Variants in GTF2H3 observed in about 807,000 individuals in gnomAD.
GTF2H3 encodes general transcription factor IIH subunit 3, also known as TFIIH basal transcription factor complex p34 subunit.
In GTF2H3, 42 loss-of-function variants were observed where a neutral mutation model predicts 51.1. The observed-to-expected ratio is 0.82, with a 90% confidence interval of 0.64 to 1.06. The LOEUF is 1.06. Ranked by LOEUF, GTF2H3 falls within the 50% of genes least tolerant of loss-of-function variation. The pLI is 0.00. For missense variants in GTF2H3, 326 were observed against 366.1 expected, an observed-to-expected ratio of 0.89 and a Z score of 0.89; for synonymous variants, 123 against 123.8, an observed-to-expected ratio of 0.99 and a Z score of 0.04.
intron 3 of GTF2H3, among the ~76,000 whole-genome samples, chr12:123,646,113 A>G (rs910608872): frequency 1.3e-5 from 2 of 152,216 alleles, no homozygotes; most frequent in African/African-American, 4.8e-5. Flanking sequence ...TCACTGCAAG[A>G]TGGTGCATAG....
At chr12:123,634,951 T>C (rs576029061) in intron 1 of GTF2H3, among the ~76,000 whole-genome samples, 1 of 152,320 alleles carries the variant, frequency 6.6e-6, no homozygotes, top group East Asian at 1.9e-4. Flanking sequence ...TCACTGTGGC[T>C]GTTGTGTGGA....
intron 3 of GTF2H3, among the ~76,000 whole-genome samples, chr12:123,646,937 A>C (rs1027717385): frequency 2.7e-5 from 4 of 150,452 alleles, no homozygotes; most frequent in African/African-American, 9.8e-5. Context: ...GGATCACGAG[A>C]TCAGGAGATC....
At chr12:123,659,229 T>G in intron 9 of GTF2H3, 1 of 356,426 alleles carries the variant, frequency 2.8e-6, no homozygotes, top group Non-Finnish European at 5.3e-6. Flanking sequence ...TAGCCAGGCA[T>G]GGTGGCGCAT....
Position 123,650,983 on chromosome 12 carries a change from G to A in GTF2H3, c.365-11G>A, listed in dbSNP as rs1379195338. On this transcript the variant is annotated splice_polypyrimidine_tract_variant and intron_variant, in intron 4 of 12. Transcript: ENST00000543341. ...TAAAAATTCCCTTTTAATGTTTTCT[G>A]TTATTTGCAGGTGACATAAAGGGTC... 2.5e-6 allele frequency: 4 copies of A among 1,602,862 alleles called. No homozygotes were observed. In the African/African-American group the frequency reaches 4.0e-5, roughly 16 times the overall value.
At chr12:123,647,937 C>A in intron 3 of GTF2H3, 26 bp from the exon 4 acceptor site, 1 of 1,600,322 alleles carries the variant, frequency 6.2e-7, no homozygotes, top group Non-Finnish European at 8.5e-7. Context: ...CCTGGTGTAA[C>A]CAGGTTTTTT....
rs758702196 is a variant in GTF2H3, at chr12:123,648,065, C to T, written c.303C>T (p.Tyr101=). Residue 101 remains tyrosine, a synonymous_variant, in exon 4 of 13, where the codon TAC becomes TAT. Coordinates refer to ENST00000543341, the MANE Select transcript of GTF2H3 (RefSeq NM_001516.5). ...CCTCTGGGAGTAAAGATGGAAAATA[C>T]GAACTTTTAACCTCAGCAAATGAAG... is the stretch of plus-strand genomic sequence containing the variant. ...FNPSGSKDGK[Y]ELLTSANEVI... 1.2e-5 allele frequency: 20 copies of T among 1,611,248 alleles called. No individual in the cohort carries two copies. Among genetic ancestry groups the T allele is most frequent in the Middle Eastern group, 1.6e-4 (1 of 6,076 alleles).
intron 4 of GTF2H3, chr12:123,650,148 C>T (rs1443393455): frequency 6.6e-6 from 1 of 152,266 alleles, no homozygotes; most frequent in African/African-American, 2.4e-5. Flanking sequence ...CATGAGGTGT[C>T]AGTTCTCCTG....
intron 10 of GTF2H3, 31 bp downstream of exon 10, chr12:123,659,615 C>T (rs755253319): frequency 6.2e-7 from 1 of 1,601,540 alleles, no homozygotes; most frequent in South Asian, 1.1e-5. Flanking sequence ...ACCCTGATGC[C>T]TGGAGGGAAG....
At chr12:123,651,086 G>A in intron 5 of GTF2H3, 30 bp downstream of exon 5, 3 of 1,507,850 alleles carry the variant, frequency 2.0e-6, no homozygotes, top group Non-Finnish European at 2.8e-6. Context: ...CATTTAGAAG[G>A]TGTCTTCTGT....
At chr12:123,638,792 C>CTTT (rs775845249) in intron 1 of GTF2H3, among the ~76,000 whole-genome samples, 72 of 119,728 alleles carry the variant, frequency 6.0e-4, no homozygotes, top group African/African-American at 8.8e-4. Context: ...TGCTTTAAAG[C>CTTT]TTTTTTTTTT....
chr12:123,649,996 A>G (rs1955500387), intron 4 of GTF2H3: 3 of 152,044 alleles, frequency 2.0e-5, no homozygotes, highest in Admixed American at 2.0e-4. Context: ...GGTCCTGAGA[A>G]TTTCTATTTC....
At chr12:123,643,039 T>G (rs1048465303) in intron 2 of GTF2H3, among the ~76,000 whole-genome samples, 8 of 152,110 alleles carry the variant, frequency 5.3e-5, no homozygotes, top group Non-Finnish European at 1.2e-4. Context: ...GCCCAGCTAA[T>G]TTTTTGTGTG....
chr12:123,656,280 T>A (rs961003988), intron 9 of GTF2H3, among the ~76,000 whole-genome samples: 7 of 152,344 alleles, frequency 4.6e-5, no homozygotes, highest in African/African-American at 1.7e-4. Flanking sequence ...ATTGTACTGT[T>A]TCTTCAGCTT....
intron 4 of GTF2H3, chr12:123,648,403 A>C (rs1467208182): frequency 4.4e-6 from 1 of 226,176 alleles, no homozygotes; most frequent in African/African-American, 2.3e-5. Context: ...CATAGTCTCT[A>C]TTTCTGGCTT....
intron 2 of GTF2H3, among the ~76,000 whole-genome samples, chr12:123,644,850 A>G (rs1482952532): frequency 6.6e-6 from 1 of 152,156 alleles, no homozygotes; most frequent in East Asian, 1.9e-4. Context: ...ACATATAGTA[A>G]TAGTTTGCTG....
intron 7 of GTF2H3, among the ~76,000 whole-genome samples, chr12:123,653,346 T>G (rs1955542759): frequency 1.3e-5 from 2 of 151,622 alleles, no homozygotes; most frequent in Non-Finnish European, 2.9e-5. Context: ...TTTTTTTTCC[T>G]GGCAGGGTGG....
chr12:123,645,665 T>C, intron 3 of GTF2H3, 104 bp downstream of exon 3: 1 of 648,968 alleles, frequency 1.5e-6, no homozygotes, highest in South Asian at 1.9e-5. Context: ...AAAGAAAATG[T>C]TTTCTGTACC....
At chr12:123,659,675 A>G (rs370185510) in intron 10 of GTF2H3, 91 bp downstream of exon 10, 58 of 1,457,786 alleles carry the variant, frequency 4.0e-5, no homozygotes, top group South Asian at 3.9e-4. Context: ...GGCTGGTGCT[A>G]GTACTCAGGA....
At chr12:123,641,286 G>A (rs1317709998) in intron 2 of GTF2H3, among the ~76,000 whole-genome samples, 1 of 151,640 alleles carries the variant, frequency 6.6e-6, no homozygotes, top group Admixed American at 6.6e-5. Flanking sequence ...GAGTGCAGTG[G>A]TGTGATCTCT....
Sources: allele counts gnomAD v4.1 joint callset (sites outside exome capture counted in the v4.1 genomes callset), GRCh38; gene constraint gnomAD v4.1.1; transcripts MANE v1.5; gene names NCBI Gene and HGNC (gene_info 2026-07-23, HGNC 2026-07-21).